ANK2: variants seen among roughly 807,000 people sequenced by gnomAD.
ANK2 encodes ankyrin-2.
Under a neutral mutation model 360.5 loss-of-function variants are expected in ANK2, and 83 were observed. The ratio of observed to expected loss-of-function variants is 0.23; its 90% CI spans 0.19 to 0.28. The LOEUF (loss-of-function observed/expected upper bound fraction) is 0.28. Ranked by LOEUF, ANK2 falls within the 10% of genes least tolerant of loss-of-function variation. ANK2 has a pLI of 1.00. For synonymous variants in ANK2, 1,740 were observed against 1,759.5 expected (o/e 0.99, Z 0.28); for missense variants, 4,201 against 4,795.7 (o/e 0.88, Z 3.66).
intron 1 of ANK2, among the ~76,000 whole-genome samples, chr4:113,149,976 C>T (rs1353808611): frequency 6.6e-6 from 1 of 150,944 alleles, no homozygotes; most frequent in Non-Finnish European, 1.5e-5. Context: ...CAGGGCTTAC[C>T]CACATGTAAT....
chr4:112,873,363 CT>C (rs1194013894), intron 1 of ANK2, among the ~76,000 whole-genome samples: 1 of 151,804 alleles, frequency 6.6e-6, no homozygotes. Flanking sequence ...TAGGTGTCCC[CT>C]GCTTTCACTG....
At chr4:112,851,678 CA>C (rs1341508614) in intron 1 of ANK2, among the ~76,000 whole-genome samples, 3 of 151,642 alleles carry the variant, frequency 2.0e-5, no homozygotes, top group Non-Finnish European at 4.4e-5. Context: ...GGCTAGAGTG[CA>C]ATGGCATGGT....
chr4:113,293,352 G>A, intron 21 of ANK2, 88 bp from the exon 22 acceptor site: 3 of 1,132,822 alleles, frequency 2.6e-6, no homozygotes, highest in South Asian at 1.3e-5. Context: ...GGAAATGCTG[G>A]CTGATGCAGA....
chr4:113,202,141 A>C (rs964143657), intron 4 of ANK2, among the ~76,000 whole-genome samples: 11 of 152,124 alleles, frequency 7.2e-5, no homozygotes, highest in African/African-American at 2.2e-4. Flanking sequence ...GTTGAAAAAA[A>C]GTATTATTAC....
At chr4:113,161,842 C>A (rs1252905437) in intron 1 of ANK2, among the ~76,000 whole-genome samples, 1 of 152,032 alleles carries the variant, frequency 6.6e-6, no homozygotes, top group African/African-American at 2.4e-5. Flanking sequence ...TTACAAGAGG[C>A]CCTTCCTTAT....
Position 112,937,594 on chromosome 4 carries a change from C to T in ANK2, c.21+33080C>T, listed in dbSNP as rs574098353. ...CCACCCGCCTCGGCCTCCCAAAGTG[C>T]TGATATTACAGGCGTGAGCCACCGC... On this transcript the variant is annotated intron_variant, in intron 2 of 30. Transcript: ENST00000503271. Among the ~76,000 whole-genome samples the T allele has an allele frequency of 5.9e-5, 9 of 152,320 alleles. No homozygotes were observed. The East Asian group carries it at 1.4e-3, about 23-fold the overall frequency.
chr4:113,271,743 ATT>A (rs1332978644), intron 14 of ANK2, among the ~76,000 whole-genome samples: 9 of 152,342 alleles, frequency 5.9e-5, no homozygotes, highest in African/African-American at 2.2e-4. Context: ...AACATCTGTA[ATT>A]TTTAAAGTTC....
intron 32 of ANK2, 91 bp downstream of exon 32, chr4:113,339,413 A>G (rs1413319033): frequency 1.9e-6 from 2 of 1,067,654 alleles, no homozygotes; most frequent in African/African-American, 3.2e-5. Context: ...TATTGTTTAA[A>G]AGTTATTTTT....
chr4:113,229,082 A>G (rs2099259861), intron 4 of ANK2, among the ~76,000 whole-genome samples: 1 of 152,180 alleles, frequency 6.6e-6, no homozygotes, highest in Non-Finnish European at 1.5e-5. Context: ...AGCTTTGTTC[A>G]TCTCCCATTT....
At chr4:112,729,273 C>A in the ANK2 span, among the ~76,000 whole-genome samples, 15 of 151,612 alleles carry the variant, frequency 9.9e-5, no homozygotes, top group Non-Finnish European at 1.8e-4. Flanking sequence ...TTATGGAAAA[C>A]AATATGAAGT....
chr4:113,013,595 C>CA (rs2055528092), intron 2 of ANK2, among the ~76,000 whole-genome samples: 1 of 152,162 alleles, frequency 6.6e-6, no homozygotes, highest in Non-Finnish European at 1.5e-5. Flanking sequence ...GCAAACATTA[C>CA]ATATATCTAT....
At chr4:112,992,273 A>G (rs936069835) in intron 2 of ANK2, among the ~76,000 whole-genome samples, 5 of 151,870 alleles carry the variant, frequency 3.3e-5, no homozygotes, top group African/African-American at 7.3e-5. Context: ...TTTCCCAAGT[A>G]GCTGGGATTA....
chr4:113,295,852 A>C (rs753240007), intron 22 of ANK2, among the ~76,000 whole-genome samples: 46 of 151,996 alleles, frequency 3.0e-4, no homozygotes, highest in Non-Finnish European at 6.2e-4. Flanking sequence ...TTTCTCTTAT[A>C]ATTGTGAGCT....
chr4:113,078,943 G>A (rs2154345716), intron 1 of ANK2, among the ~76,000 whole-genome samples: 1 of 152,244 alleles, frequency 6.6e-6, no homozygotes. Flanking sequence ...GAGAATCTTG[G>A]AAGATAGTTG....
At chr4:112,852,992 CTG>C (rs1317823912) in intron 1 of ANK2, among the ~76,000 whole-genome samples, 2 of 152,068 alleles carry the variant, frequency 1.3e-5, no homozygotes, top group African/African-American at 4.8e-5. Context: ...GGGTTTCACT[CTG>C]TTGCCCAGGC....
chr4:112,893,910 T>A (rs1580682488), intron 1 of ANK2, among the ~76,000 whole-genome samples: 2 of 152,228 alleles, frequency 1.3e-5, no homozygotes, highest in Admixed American at 1.3e-4. Flanking sequence ...GGCACGAGAA[T>A]TGCTTGAACC....
chr4:112,820,714 C>T (rs1305446781), intron 1 of ANK2, among the ~76,000 whole-genome samples: 1 of 152,092 alleles, frequency 6.6e-6, no homozygotes, highest in Non-Finnish European at 1.5e-5. Flanking sequence ...GGATTACAGG[C>T]ATGAGCCACT....
chr4:112,792,638 A>G, the ANK2 span, among the ~76,000 whole-genome samples: 54 of 152,304 alleles, frequency 3.5e-4, no homozygotes, highest in African/African-American at 8.7e-4. Flanking sequence ...TTATATAACT[A>G]TAGCAGAAAA....
intron 2 of ANK2, among the ~76,000 whole-genome samples, chr4:113,006,537 G>T (rs1364780467): frequency 6.6e-6 from 1 of 152,170 alleles, no homozygotes; most frequent in Non-Finnish European, 1.5e-5. Context: ...GTTAGAAAAT[G>T]TGGAGAAACA....
Sources: gnomAD v4.1 joint callset for allele counts (sites outside exome capture counted in the v4.1 genomes callset) on GRCh38, gnomAD v4.1.1 for gene constraint, MANE v1.5 for transcripts, NCBI Gene and HGNC (gene_info 2026-07-23, HGNC 2026-07-21) for gene names.